The following ENTREP2 variants were observed in gnomAD, a reference collection of about 807,000 sequenced individuals.
The protein encoded by ENTREP2 is endosomal transmembrane epsin interactor 2.
chr15:29,328,191 A>G, the ENTREP2 span, among the ~76,000 whole-genome samples: 1 of 152,244 alleles, frequency 6.6e-6, no homozygotes, highest in South Asian at 2.1e-4. Flanking sequence ...AAAAAGTAAC[A>G]TATTGCATAA....
chr15:29,555,730 C>T, the ENTREP2 span, among the ~76,000 whole-genome samples: 1 of 152,208 alleles, frequency 6.6e-6, no homozygotes, highest in Non-Finnish European at 1.5e-5. Flanking sequence ...AGGCACCAAG[C>T]CCTCCCTAAC....
the ENTREP2 span, among the ~76,000 whole-genome samples, chr15:29,364,100 G>A: frequency 6.6e-6 from 1 of 152,146 alleles, no homozygotes; most frequent in Admixed American, 6.5e-5. Context: ...CCTCTATTTT[G>A]TAGCTTCTAA....
chr15:29,637,276 T>C, the ENTREP2 span, among the ~76,000 whole-genome samples: 1 of 152,032 alleles, frequency 6.6e-6, no homozygotes. Flanking sequence ...AACACTGAAA[T>C]AGTAGGGGGT....
chr15:29,227,932 T>C, the ENTREP2 span, among the ~76,000 whole-genome samples: 2 of 152,076 alleles, frequency 1.3e-5, no homozygotes, highest in Non-Finnish European at 2.9e-5. Flanking sequence ...GTCAACAGGA[T>C]TGAGACTAAA....
chr15:29,626,419 CTT>C, the ENTREP2 span, among the ~76,000 whole-genome samples: 1 of 152,214 alleles, frequency 6.6e-6, no homozygotes, highest in East Asian at 1.9e-4. Context: ...CACAAGCTCT[CTT>C]GCCTGCCTCC....
At chr15:29,605,839 GA>G in the ENTREP2 span, among the ~76,000 whole-genome samples, 2 of 151,492 alleles carry the variant, frequency 1.3e-5, no homozygotes, top group African/African-American at 2.4e-5. Context: ...CATATCAAAA[GA>G]AAAAAATAAA....
At chr15:29,425,659 A>G in the ENTREP2 span, among the ~76,000 whole-genome samples, 1 of 151,804 alleles carries the variant, frequency 6.6e-6, no homozygotes, top group Non-Finnish European at 1.5e-5. Context: ...TTGTTTCTCT[A>G]ATTTTCCTGT....
the ENTREP2 span, among the ~76,000 whole-genome samples, chr15:29,608,954 C>A: frequency 2.0e-5 from 3 of 152,128 alleles, no homozygotes; most frequent in Admixed American, 2.0e-4. Flanking sequence ...CGAATTGGCC[C>A]ACAATACTTT....
the ENTREP2 span, among the ~76,000 whole-genome samples, chr15:29,159,983 G>A: frequency 3.3e-5 from 5 of 152,256 alleles, no homozygotes; most frequent in African/African-American, 4.8e-5. Flanking sequence ...GGCGGCGCTC[G>A]CCCGGGAGGC....
the ENTREP2 span, among the ~76,000 whole-genome samples, chr15:29,643,915 C>A: frequency 6.6e-6 from 1 of 152,048 alleles, no homozygotes; most frequent in African/African-American, 2.4e-5. Context: ...TTACCATATA[C>A]CCCAGTAATT....
the ENTREP2 span, among the ~76,000 whole-genome samples, chr15:29,444,081 C>CG: frequency 5.9e-5 from 9 of 151,338 alleles, no homozygotes; most frequent in Non-Finnish European, 1.3e-4. Flanking sequence ...TCCGCCTGGG[C>CG]GACAGAGCAA....
the ENTREP2 span, among the ~76,000 whole-genome samples, chr15:29,494,426 A>G: frequency 6.6e-6 from 1 of 152,216 alleles, no homozygotes; most frequent in African/African-American, 2.4e-5. Context: ...TTAGGTGAAC[A>G]ACATAAGTTG....
the ENTREP2 span, among the ~76,000 whole-genome samples, chr15:29,415,378 T>A: frequency 6.6e-6 from 1 of 152,184 alleles, no homozygotes; most frequent in Non-Finnish European, 1.5e-5. Flanking sequence ...ATCCAGCATA[T>A]AAACAGAACC....
At chr15:29,329,505 A>T in the ENTREP2 span, among the ~76,000 whole-genome samples, 1 of 152,202 alleles carries the variant, frequency 6.6e-6, no homozygotes, top group East Asian at 1.9e-4. Context: ...TTGTTTTGTC[A>T]GCTGAGTGAA....
chr15:29,645,107 C>CAAATACACACT, the ENTREP2 span, among the ~76,000 whole-genome samples: 1 of 151,982 alleles, frequency 6.6e-6, no homozygotes, highest in African/African-American at 2.4e-5. Context: ...AGAGGAACAC[C>CAAATACACACT]AAATACACAC....
the ENTREP2 span, among the ~76,000 whole-genome samples, chr15:29,120,038 T>G: frequency 6.6e-6 from 1 of 152,230 alleles, no homozygotes; most frequent in Non-Finnish European, 1.5e-5. Context: ...ATGGCCAGCG[T>G]GGACGGGCGT....
At chr15:29,158,503 T>G in the ENTREP2 span, among the ~76,000 whole-genome samples, 2 of 151,180 alleles carry the variant, frequency 1.3e-5, no homozygotes, top group East Asian at 3.9e-4. Context: ...CCTCCCGGGT[T>G]CAAGGGATTC....
At chr15:29,210,603 C>G in the ENTREP2 span, among the ~76,000 whole-genome samples, 3 of 152,216 alleles carry the variant, frequency 2.0e-5, no homozygotes, top group Admixed American at 6.5e-5. Flanking sequence ...TGAGGTGGAA[C>G]AGTTTCATCT....
the ENTREP2 span, among the ~76,000 whole-genome samples, chr15:29,239,568 T>C: frequency 6.6e-6 from 1 of 152,146 alleles, no homozygotes; most frequent in Non-Finnish European, 1.5e-5. Flanking sequence ...ATTTGATTAG[T>C]ATGCAGATCA....
Sources: allele counts gnomAD v4.1 joint callset (sites outside exome capture counted in the v4.1 genomes callset), GRCh38; gene constraint gnomAD v4.1.1; transcripts MANE v1.5; gene names NCBI Gene and HGNC (gene_info 2026-07-23, HGNC 2026-07-21).